The following MTAP variants were observed in gnomAD, a reference collection of about 807,000 sequenced individuals.
MTAP encodes the protein S-methyl-5'-thioadenosine phosphorylase.
MTAP carries 33 observed loss-of-function variants against 33.6 expected under a neutral mutation model. The ratio of observed to expected loss-of-function variants is 0.98; its 90% CI spans 0.74 to 1.31. The LOEUF (loss-of-function observed/expected upper bound fraction) is 1.31, where lower values mean the gene tolerates loss of function less well. MTAP is among the 40% of genes most tolerant of loss of function. The pLI is 0.00. For missense variants in MTAP, 367 were observed against 360.0 expected (o/e 1.02, Z -0.16); for synonymous variants, 148 against 125.7 (o/e 1.18, Z -1.19).
chr9:21,931,381 A>G (rs1818956007), downstream of MTAP: 1 of 501,322 alleles, frequency 2.0e-6, no homozygotes, highest in Admixed American at 3.5e-5. Flanking sequence ...CCAACTAGGA[A>G]TGTCAGGTGA....
At chr9:21,915,030 TCC>T (rs1383385218) in intron 1 of MTAP, among the ~76,000 whole-genome samples, 6 of 103,516 alleles carry the variant, frequency 5.8e-5, no homozygotes, top group African/African-American at 2.1e-4. Context: ...CTTCCTTCCT[TCC>T]TTCCTTCCTT....
At chr9:21,803,248 G>A (rs965821676) in intron 1 of MTAP, 3 of 300,032 alleles carry the variant, frequency 1.0e-5, no homozygotes, top group Admixed American at 5.1e-5. Context: ...TCCAGCTTCC[G>A]CTCTCTGACT....
At chr9:21,913,800 C>G (rs1563868787) in intron 1 of MTAP, among the ~76,000 whole-genome samples, 1 of 152,194 alleles carries the variant, frequency 6.6e-6, no homozygotes, top group Non-Finnish European at 1.5e-5. Context: ...AACTAAAGAG[C>G]TTCTGCACAG....
At chr9:21,879,613 A>G (rs761000083) in intron 1 of MTAP, among the ~76,000 whole-genome samples, 8 of 152,034 alleles carry the variant, frequency 5.3e-5, no homozygotes, top group African/African-American at 7.2e-5. Flanking sequence ...ACTGGTTACT[A>G]TGCTGGCTTG....
In MTAP at chr9:21,864,477, G is replaced by A; in HGVS notation, c.*2463G>A. The A allele has an allele frequency of 1.0e-6, 1 of 985,386 alleles. No individual in the cohort carries two copies. The allele number at this position is 985,386 out of a possible 1,614,324, so 61.0% of individuals were successfully genotyped here. A position where few individuals can be genotyped will look rare whatever the true frequency, so the allele number is the denominator to read the frequency against. ...CTGTAGTTTAGTGACTTAGCCCTTA[G>A]TGATTAATAGATTTGCATGTACATA... On this transcript the variant is annotated 3_prime_UTR_variant, in exon 8 of 8. Coordinates refer to ENST00000644715, the MANE Select transcript of MTAP (RefSeq NM_002451.4).
chr9:21,880,104 T>C (rs1280315245), intron 1 of MTAP, among the ~76,000 whole-genome samples: 1 of 152,200 alleles, frequency 6.6e-6, no homozygotes, highest in Non-Finnish European at 1.5e-5. Context: ...TATATATTGA[T>C]GGCATTTGGA....
intron 5 of MTAP, among the ~76,000 whole-genome samples, chr9:21,850,508 C>T (rs1479347723): frequency 1.3e-5 from 2 of 152,138 alleles, no homozygotes; most frequent in Non-Finnish European, 2.9e-5. Flanking sequence ...CCATTTGGGC[C>T]ATATGACCCA....
chr9:21,861,972 T>G lies in MTAP; in HGVS notation c.814-4T>G. 1.3e-6 allele frequency: 2 copies of G among 1,544,508 alleles called. No homozygotes were observed. Among genetic ancestry groups the G allele is most frequent in the South Asian group, 1.1e-5 (1 of 89,604 alleles). ...AATATCACTGCCTCCTTTCTTCCTT[T>G]CAGAATATGGCCCAGTTTTCTGTTT... On this transcript the variant is annotated splice_region_variant and splice_polypyrimidine_tract_variant and intron_variant, in intron 7 of 7. Transcript: ENST00000644715.
At chr9:21,803,374 G>GT (rs1344594376) in intron 1 of MTAP, 1 of 159,208 alleles carries the variant, frequency 6.3e-6, no homozygotes, top group African/African-American at 2.4e-5. Context: ...CCCCAGCAGC[G>GT]TAATACTGTA....
At chr9:21,925,323 T>G (rs982882592) in intron 1 of MTAP, among the ~76,000 whole-genome samples, 6 of 152,296 alleles carry the variant, frequency 3.9e-5, no homozygotes, top group Middle Eastern at 3.4e-3. Context: ...AAGGACCATT[T>G]TTTAACTCAG....
At chr9:21,936,191 T>A (rs763144246), downstream of MTAP, 1 of 152,220 alleles carries the variant, frequency 6.6e-6, no homozygotes, top group Non-Finnish European at 1.5e-5. Flanking sequence ...CATAAGTCAA[T>A]GTATTTGAAT....
chr9:21,928,460 C>A (rs981658609), intron 1 of MTAP, among the ~76,000 whole-genome samples: 2 of 152,086 alleles, frequency 1.3e-5, no homozygotes, highest in African/African-American at 4.8e-5. Context: ...GGTGTAAGTA[C>A]CTCTTGGTCT....
chr9:21,879,937 C>A (rs1817979254), intron 1 of MTAP, among the ~76,000 whole-genome samples: 1 of 152,064 alleles, frequency 6.6e-6, no homozygotes, highest in Admixed American at 6.6e-5. Context: ...TGTAGGCGGC[C>A]TGCCCTTTCT....
At chr9:21,805,671 G>A (rs1281607198) in intron 1 of MTAP, among the ~76,000 whole-genome samples, 1 of 152,202 alleles carries the variant, frequency 6.6e-6, no homozygotes, top group East Asian at 1.9e-4. Context: ...CCTTACAAAA[G>A]AGGCCCCAGA....
chr9:21,802,803 GCAGC>G lies in MTAP; in HGVS notation c.33+23_33+26del, dbSNP rs774298648. ...GAAGGTGAGATGAGCCCTCCCAGCC[GCAGC>G]GGTTCGCCCTGCCGGATGCCTTCTC... On this transcript the variant is annotated intron_variant, in intron 1 of 7. Transcript: ENST00000644715. The G allele has an allele frequency of 5.3e-5, 86 of 1,612,302 alleles. 1 individual carries two copies. The Admixed American group carries it at 1.0e-3, about 19-fold the overall frequency.
At chr9:21,934,021 G>C (rs557833505), downstream of MTAP, 3 of 152,344 alleles carry the variant, frequency 2.0e-5, no homozygotes, top group South Asian at 6.2e-4. The surrounding 1 kb of genome is among the most constrained non-coding windows in gnomAD (Gnocchi z 5.0). Context: ...AGCAATGAAT[G>C]ATTCACAAAT....
intron 1 of MTAP, among the ~76,000 whole-genome samples, chr9:21,898,357 G>T (rs1246218585): frequency 6.6e-6 from 1 of 152,158 alleles, no homozygotes; most frequent in African/African-American, 2.4e-5. Context: ...AAAAGCAATG[G>T]CAACAAAAGC....
chr9:21,804,822 A>G (rs1824165564), intron 1 of MTAP, among the ~76,000 whole-genome samples: 1 of 152,238 alleles, frequency 6.6e-6, no homozygotes, highest in Non-Finnish European at 1.5e-5. Flanking sequence ...CCAGAATTAC[A>G]CAGCTGGACC....
At chr9:21,816,105 A>G (rs1187163845) in intron 2 of MTAP, among the ~76,000 whole-genome samples, 1 of 152,124 alleles carries the variant, frequency 6.6e-6, no homozygotes, top group East Asian at 1.9e-4. Context: ...CCATATTGCT[A>G]CGTCCTCTGG....
Sources: gnomAD v4.1 joint callset for allele counts (sites outside exome capture counted in the v4.1 genomes callset) on GRCh38, gnomAD v4.1.1 for gene constraint, Gnocchi (gnomAD v3.1) non-coding constraint, MANE v1.5 for transcripts, NCBI Gene and HGNC (gene_info 2026-07-23, HGNC 2026-07-21) for gene names.